ADAMTS10: variants seen among roughly 807,000 people sequenced by gnomAD.
ADAMTS10 encodes the protein ADAM metallopeptidase with thrombospondin type 1 motif 10, also known as A disintegrin and metalloproteinase with thrombospondin motifs 10.
In ADAMTS10, 48 loss-of-function variants were observed where a neutral mutation model predicts 135.9. That is an observed-to-expected ratio of 0.35 (90% CI 0.28 to 0.45). ADAMTS10 has a LOEUF of 0.45. Ranked by LOEUF, ADAMTS10 falls within the 20% of genes least tolerant of loss-of-function variation. The pLI, the probability that ADAMTS10 is intolerant of heterozygous loss-of-function variation, is 1.00. For missense variants in ADAMTS10, 1,131 were observed against 1,565.2 expected (o/e 0.72, Z 4.68); for synonymous variants, 621 against 647.5 (o/e 0.96, Z 0.62).
intron 15 of ADAMTS10, among the ~76,000 whole-genome samples, chr19:8,591,321 G>A (rs2042522165): frequency 6.6e-6 from 1 of 151,924 alleles, no homozygotes; most frequent in South Asian, 2.1e-4. Context: ...GGTCTTTAAG[G>A]AGGAGGGGTT....
At chr19:8,608,734 G>A (rs1229049923) in intron 1 of ADAMTS10, among the ~76,000 whole-genome samples, 1 of 152,024 alleles carries the variant, frequency 6.6e-6, no homozygotes, top group Non-Finnish European at 1.5e-5. Flanking sequence ...AAGACCCTCA[G>A]TCCTCATCAC....
intron 5 of ADAMTS10, among the ~76,000 whole-genome samples, chr19:8,603,367 C>T (rs561498894): frequency 4.3e-4 from 65 of 152,096 alleles, no homozygotes; most frequent in Non-Finnish European, 6.3e-4. Context: ...CTCTGCCTCC[C>T]GGGTTCAAGT....
chr19:8,595,856 A>T lies in ADAMTS10; in HGVS notation c.1385T>A (p.Phe462Tyr). The change falls in exon 12 of 26, where the codon TTT (phenylalanine) becomes TAT (tyrosine). Residue 462 changes from phenylalanine to tyrosine, a missense_variant. Around this residue, in one of 3 missense-constraint regions of ADAMTS10, gnomAD observed 745 missense variants for 1,056.3 expected, o/e 0.71. Coordinates refer to ENST00000597188, the MANE Select transcript of ADAMTS10 (RefSeq NM_030957.4). ...CLNNRPPRQD[F>Y]VYPTVAPGQA... ...GCCCGGTGCCACTGTCGGGTACACA[A>T]AGTCCTGTCTGGGGGGCCGGTTGTT... 1 of 1,614,134 alleles carries T rather than the reference A, an allele frequency of 6.2e-7. No homozygotes were observed. Among genetic ancestry groups the T allele is most frequent in the Non-Finnish European group, 8.5e-7 (1 of 1,180,022 alleles).
At chr19:8,602,150 C>T (rs2042675204) in intron 5 of ADAMTS10, among the ~76,000 whole-genome samples, 1 of 152,204 alleles carries the variant, frequency 6.6e-6, no homozygotes, top group Non-Finnish European at 1.5e-5. Context: ...TGATGTACTA[C>T]AACCAGATGG....
rs782777529 is a variant in ADAMTS10, at chr19:8,595,867, G to T, written c.1374C>A (p.Pro458=). 35 of 1,614,028 alleles carry T rather than the reference G, an allele frequency of 2.2e-5. No individual in the cohort carries two copies. In the Admixed American group the frequency reaches 5.2e-4, roughly 24 times the overall value. ...GLGLCLNNRP[P]RQDFVYPTVA... is the part of the protein sequence containing the mutation. ...CTGTCGGGTACACAAAGTCCTGTCT[G>T]GGGGGCCGGTTGTTCAGGCAGAGCC... The change falls in exon 12 of 26, where the codon CCC becomes CCA. Residue 458 remains proline, a synonymous_variant. Coordinates refer to ENST00000597188, the MANE Select transcript of ADAMTS10 (RefSeq NM_030957.4).
rs1555740298 is a variant in ADAMTS10, at chr19:8,596,568, T to C, written c.1058A>G (p.Tyr353Cys). 6.2e-7 allele frequency: 1 copy of C among 1,613,504 alleles called. No homozygotes were observed. The highest frequency in any genetic ancestry group is 1.1e-5 in the South Asian group (1 of 91,034). The change falls in exon 9 of 26, where the codon TAC (tyrosine) becomes TGC (cysteine). Residue 353 changes from tyrosine (Y) to cysteine (C), a missense_variant. By Grantham distance (194) the Tyr-to-Cys change is radical. Coordinates refer to ENST00000597188, the MANE Select transcript of ADAMTS10 (RefSeq NM_030957.4). This position sits in a 1 kb window ranked among gnomAD's most constrained non-coding sequence, Gnocchi z 7.2. ...TAGTGTGCCGCAGGGTTTGTTCTTG[T>C]AGATGCAGATGTCATAGCTGTAAAA... ...VLITRYDICI[Y>C]KNKPCGTLGL...
chr19:8,603,284 T>A (rs1320071549), intron 5 of ADAMTS10, among the ~76,000 whole-genome samples: 1 of 152,154 alleles, frequency 6.6e-6, no homozygotes, highest in African/African-American at 2.4e-5. Context: ...CTCCCTATTT[T>A]TTCTTTTTGA....
At chr19:8,608,390 T>C (rs2042745058) in intron 1 of ADAMTS10, 142 bp from the exon 2 acceptor site, 1 of 152,254 alleles carries the variant, frequency 6.6e-6, no homozygotes. Context: ...TTTCTTCTGT[T>C]CCTAATGAAC....
chr19:8,603,632 A>G, intron 5 of ADAMTS10, 96 bp downstream of exon 5: 1 of 1,557,062 alleles, frequency 6.4e-7, no homozygotes, highest in Non-Finnish European at 8.8e-7. Flanking sequence ...TTCCCCTCAC[A>G]TAACTGCCTG....
At chr19:8,581,860 C>CAAAAAAAAAAAAAAAAA (rs71286209) in intron 25 of ADAMTS10, among the ~76,000 whole-genome samples, 1 of 127,656 alleles carries the variant, frequency 7.8e-6, no homozygotes, top group Admixed American at 7.8e-5. Context: ...AACAAAAAAA[C>CAAAAAAAAAAAAAAAAA]AAAAAAAAAA....
At position 8,605,952 on chromosome 19, in the gene ADAMTS10, C is replaced by T. The variant is rs2042717846; in HGVS notation, c.-99-143G>A. ...TCACTCAGTCACTCCCCTCTCCCCA[C>T]CTCCCCTTCCAATCCTTCCTACACT... On this transcript the variant is annotated intron_variant, in intron 2 of 25. Coordinates refer to ENST00000597188, the MANE Select transcript of ADAMTS10 (RefSeq NM_030957.4). This position sits in a 1 kb window ranked among gnomAD's most constrained non-coding sequence, Gnocchi z 7.7. 4 of 784,422 alleles carry T rather than the reference C, an allele frequency of 5.1e-6. No homozygotes were observed. The South Asian group carries it at 7.5e-5, about 15-fold the overall frequency. The allele number at this position is 784,422 out of a possible 1,614,324, so 48.6% of individuals were successfully genotyped here. A position where few individuals can be genotyped will look rare whatever the true frequency, so the allele number is the denominator to read the frequency against.
intron 15 of ADAMTS10, among the ~76,000 whole-genome samples, chr19:8,590,693 CA>C: frequency 6.6e-6 from 1 of 152,306 alleles, no homozygotes; most frequent in East Asian, 1.9e-4. Flanking sequence ...CTCCTGACCT[CA>C]GGTGATTGAC....
rs782488908 is a variant in ADAMTS10, at chr19:8,603,680, G to C, written c.592+48C>G. ...ATAAAAAGACACTGCTGCCTCAAGGGAAAGATACTGTGTAGCCCTCTGCCC... is the reference window on the plus strand; with the variant it reads ...ATAAAAAGACACTGCTGCCTCAAGGCAAAGATACTGTGTAGCCCTCTGCCC... On this transcript the variant is annotated intron_variant, in intron 5 of 25. Coordinates refer to ENST00000597188, the MANE Select transcript of ADAMTS10 (RefSeq NM_030957.4). 5 of 1,611,882 alleles carry C rather than the reference G, an allele frequency of 3.1e-6. No individual in the cohort carries two copies. The South Asian group carries it at 4.4e-5, about 14-fold the overall frequency.
In ADAMTS10 at chr19:8,605,532, CCCA is replaced by C; in HGVS notation, c.88+88_88+90del. On this transcript the variant is annotated intron_variant, in intron 3 of 25. Coordinates refer to ENST00000597188, the MANE Select transcript of ADAMTS10 (RefSeq NM_030957.4). The surrounding 1 kb of genome is among the most constrained non-coding windows in gnomAD (Gnocchi z 7.7). ...AGGGCCTTCCCCCATTGACCCCCATCCCAGCCCCCTGATGCCTCTTTCTGTTGG... is the reference window on the plus strand; with the variant it reads ...AGGGCCTTCCCCCATTGACCCCCATCGCCCCCTGATGCCTCTTTCTGTTGG... 2 of 1,438,438 alleles carry C rather than the reference CCCA, an allele frequency of 1.4e-6. No individual in the cohort carries two copies. The highest frequency in any genetic ancestry group is 1.9e-6 in the Non-Finnish European group (2 of 1,049,886). 89.1% of individuals were successfully genotyped at this position (1,438,438 alleles called of 1,614,324 possible).
At chr19:8,590,013 TGGAG>T (rs782272818) in intron 15 of ADAMTS10, 22 bp from the exon 16 acceptor site, 2 of 1,578,726 alleles carry the variant, frequency 1.3e-6, no homozygotes, top group Non-Finnish European at 1.7e-6. Flanking sequence ...AGAGGAGAGA[TGGAG>T]GGAGGCCAGG....
rs782556409 is a variant in ADAMTS10, at chr19:8,603,873, G to C, written c.447C>G (p.Ile149Met). ...ISTCGGLHGL[I>M]VADEEEYLIE... is the part of the protein sequence containing the mutation. ...TCAGGTACTCTTCCTCGTCTGCCAC[G>C]ATCAGGCCGTGCTGGGTTTTGAGAA... The change falls in exon 5 of 26, where the codon ATC (isoleucine) becomes ATG (methionine). Residue 149 changes from isoleucine to methionine, a missense_variant. Ile to Met is a conservative substitution (Grantham distance 10). This residue lies in a region of ADAMTS10 where 306 missense variants were observed against 344.4 expected (regional missense o/e 0.89). Coordinates refer to ENST00000597188, the MANE Select transcript of ADAMTS10 (RefSeq NM_030957.4). 3.1e-6 allele frequency: 5 copies of C among 1,611,568 alleles called. No homozygotes were observed. The Admixed American group carries it at 8.3e-5, about 27-fold the overall frequency.
Position 8,580,654 on chromosome 19 carries a change from A to AG in ADAMTS10, c.*238dup, listed in dbSNP as rs151216219. On this transcript the variant is annotated 3_prime_UTR_variant, in exon 26 of 26. Transcript: ENST00000597188. ...TGTCCCCTCCCCAGACCCACCCTGG[A>AG]GGGGGGGTCTCACTATGTGAACTGG... The AG allele has an allele frequency of 0.1, 51,818 of 506,206 alleles. 2,958 individuals carry two copies. The highest frequency in any genetic ancestry group is 0.13 in the Admixed American group (4,126 of 30,582). 31.4% of individuals were successfully genotyped at this position (506,206 alleles called of 1,614,324 possible).
At position 8,595,870 on chromosome 19, in the gene ADAMTS10, G is replaced by C. The variant is rs1555740022; in HGVS notation, c.1371C>G (p.Pro457=). Residue 457 remains proline, a synonymous_variant, in exon 12 of 26, where the codon CCC becomes CCG. Coordinates refer to ENST00000597188, the MANE Select transcript of ADAMTS10 (RefSeq NM_030957.4). ...SGLGLCLNNR[P]PRQDFVYPTV... is the part of the protein sequence containing the mutation. ...TCGGGTACACAAAGTCCTGTCTGGG[G>C]GGCCGGTTGTTCAGGCAGAGCCCCA... 3 of 1,614,068 alleles carry C rather than the reference G, an allele frequency of 1.9e-6. No individual in the cohort carries two copies. Among genetic ancestry groups the C allele is most frequent in the Admixed American group, 3.3e-5 (2 of 60,002 alleles).
intron 18 of ADAMTS10, among the ~76,000 whole-genome samples, chr19:8,588,238 ACT>A (rs781855174): frequency 3.8e-4 from 58 of 151,348 alleles, no homozygotes; most frequent in Non-Finnish European, 6.6e-4. Context: ...ACAGATTGAG[ACT>A]CTGTCTCAAA....
Sources: gnomAD v4.1 joint callset for allele counts (sites outside exome capture counted in the v4.1 genomes callset) on GRCh38, gnomAD v4.1.1 for gene constraint, gnomAD v4.1.1 regional missense constraint, Gnocchi (gnomAD v3.1) non-coding constraint, MANE v1.5 for transcripts, NCBI Gene and HGNC (gene_info 2026-07-23, HGNC 2026-07-21) for gene names.